Variants in ACTL8 observed in about 807,000 individuals in gnomAD.
The protein encoded by ACTL8 is actin like 8, also known as actin-like protein 8.
Under a neutral mutation model 9.3 loss-of-function variants are expected in ACTL8, and 3 were observed. The ratio of observed to expected loss-of-function variants is 0.32; its 90% CI spans 0.15 to 0.83. ACTL8 has a LOEUF of 0.83. Ranked by LOEUF, ACTL8 falls within the 40% of genes least tolerant of loss-of-function variation. The pLI is 0.57. For missense variants in ACTL8, 381 were observed against 492.2 expected (o/e 0.77, Z 2.14); for synonymous variants, 224 against 205.9 (o/e 1.09, Z -0.75).
intron 1 of ACTL8, among the ~76,000 whole-genome samples, chr1:17,816,502 C>A (rs991043583): frequency 3.9e-5 from 6 of 152,228 alleles, no homozygotes; most frequent in African/African-American, 1.4e-4. Flanking sequence ...CTGTGCCCAG[C>A]CTAAAATATT....
At chr1:17,771,322 A>C (rs2066081904) in intron 1 of ACTL8, among the ~76,000 whole-genome samples, 1 of 152,230 alleles carries the variant, frequency 6.6e-6, no homozygotes, top group African/African-American at 2.4e-5. Context: ...ATTTAAAAAT[A>C]CAAAAACCAT....
chr1:17,800,779 G>C (rs959719256), intron 1 of ACTL8, among the ~76,000 whole-genome samples: 3 of 151,652 alleles, frequency 2.0e-5, no homozygotes, highest in African/African-American at 7.3e-5. Flanking sequence ...ATTTTTAGTA[G>C]AGTCTGGGTT....
intron 1 of ACTL8, among the ~76,000 whole-genome samples, chr1:17,764,109 C>G (rs1015716645): frequency 7.9e-5 from 12 of 152,158 alleles, no homozygotes; most frequent in Non-Finnish European, 1.5e-5. Flanking sequence ...GGTGCTGGTG[C>G]TTTCATGGAG....
At chr1:17,787,611 G>A (rs74227546) in intron 1 of ACTL8, among the ~76,000 whole-genome samples, 8,962 of 152,078 alleles carry the variant, frequency 0.059, 679 homozygotes, top group Admixed American at 0.2. Flanking sequence ...ATTCCAGTGC[G>A]TGGGTGTGCT....
chr1:17,798,096 T>C (rs1371043944), intron 1 of ACTL8, among the ~76,000 whole-genome samples: 4 of 150,946 alleles, frequency 2.6e-5, no homozygotes, highest in Non-Finnish European at 5.9e-5. Flanking sequence ...CTGGGTTCTC[T>C]CCTAGGATCT....
At chr1:17,808,141 T>C (rs964288707) in intron 1 of ACTL8, among the ~76,000 whole-genome samples, 1 of 152,168 alleles carries the variant, frequency 6.6e-6, no homozygotes, top group Non-Finnish European at 1.5e-5. Context: ...CCTTGCAAGA[T>C]GTTTACAATC....
chr1:17,775,941 C>A (rs778616149), intron 1 of ACTL8, among the ~76,000 whole-genome samples: 1 of 152,192 alleles, frequency 6.6e-6, no homozygotes, highest in Admixed American at 6.5e-5. Context: ...ATCTATTCTA[C>A]CTGGAAGAGT....
chr1:17,764,071 G>A (rs536557337), intron 1 of ACTL8, among the ~76,000 whole-genome samples: 104 of 152,276 alleles, frequency 6.8e-4, no homozygotes, highest in Middle Eastern at 3.4e-3. Flanking sequence ...AGCAGGGCTC[G>A]GGAAACCCCG....
At chr1:17,773,466 T>G (rs1489848322) in intron 1 of ACTL8, among the ~76,000 whole-genome samples, 1 of 152,230 alleles carries the variant, frequency 6.6e-6, no homozygotes. Context: ...AAATGCAGGC[T>G]CTTCTAAAAT....
At chr1:17,771,344 G>A (rs918073505) in intron 1 of ACTL8, among the ~76,000 whole-genome samples, 3 of 151,650 alleles carry the variant, frequency 2.0e-5, no homozygotes, top group African/African-American at 4.9e-5. Flanking sequence ...CTTGGCTCTC[G>A]GGCCATATAA....
chr1:17,818,889 C>G (rs764517869), intron 1 of ACTL8, among the ~76,000 whole-genome samples: 1 of 152,174 alleles, frequency 6.6e-6, no homozygotes, highest in African/African-American at 2.4e-5. Context: ...AGCCTAGAAC[C>G]GGTTTTATAC....
chr1:17,790,516 C>T (rs567838541), intron 1 of ACTL8, among the ~76,000 whole-genome samples: 6 of 152,320 alleles, frequency 3.9e-5, no homozygotes, highest in South Asian at 2.1e-4. Context: ...CCTGTTGTCC[C>T]GATGTCTGCT....
rs2066241124 is a variant in ACTL8, at chr1:17,791,744, T to C, written c.-24-31241T>C. 2.0e-5 allele frequency among the ~76,000 whole-genome samples: 3 copies of C among 152,252 alleles called. 1 individual carries two copies. In the South Asian group the frequency reaches 6.2e-4, roughly 32 times the overall value. On this transcript the variant is annotated intron_variant, in intron 1 of 2. Coordinates refer to ENST00000375406, the MANE Select transcript of ACTL8 (RefSeq NM_030812.3). ...GTGGAACGAGGAGGGTGATGTTTTA[T>C]GCATGGTGCCTAATTTTGCCCTGGC...
At chr1:17,781,114 G>A (rs1440983217) in intron 1 of ACTL8, among the ~76,000 whole-genome samples, 1 of 152,116 alleles carries the variant, frequency 6.6e-6, no homozygotes, top group African/African-American at 2.4e-5. Context: ...CAGCTTCTGG[G>A]GAATCCTGTT....
At chr1:17,784,669 A>G (rs1421858142) in intron 1 of ACTL8, among the ~76,000 whole-genome samples, 2 of 152,176 alleles carry the variant, frequency 1.3e-5, no homozygotes, top group African/African-American at 4.8e-5. Context: ...TCTCAATACA[A>G]TGCTATACCC....
chr1:17,774,661 G>A (rs1233814751), intron 1 of ACTL8, among the ~76,000 whole-genome samples: 1 of 152,112 alleles, frequency 6.6e-6, no homozygotes, highest in African/African-American at 2.4e-5. Flanking sequence ...TTGAAGAGCA[G>A]AAGGGAGCCA....
chr1:17,759,287 C>T (rs1218529231), intron 1 of ACTL8, among the ~76,000 whole-genome samples: 1 of 152,260 alleles, frequency 6.6e-6, no homozygotes, highest in Non-Finnish European at 1.5e-5. Flanking sequence ...GCCGAGGAGC[C>T]TCTGCAGCAG....
chr1:17,805,502 C>T (rs1243314888), intron 1 of ACTL8, among the ~76,000 whole-genome samples: 1 of 151,016 alleles, frequency 6.6e-6, no homozygotes, highest in Non-Finnish European at 1.5e-5. Flanking sequence ...CTGCCTCAGC[C>T]TCCCAAGTAG....
chr1:17,783,870 G>A (rs191943896), intron 1 of ACTL8, among the ~76,000 whole-genome samples: 1 of 152,330 alleles, frequency 6.6e-6, no homozygotes, highest in African/African-American at 2.4e-5. Context: ...CCTTTGAATT[G>A]TTAGTAGCTT....
Sources: allele counts gnomAD v4.1 joint callset (sites outside exome capture counted in the v4.1 genomes callset), GRCh38; gene constraint gnomAD v4.1.1; transcripts MANE v1.5; gene names NCBI Gene and HGNC (gene_info 2026-07-23, HGNC 2026-07-21).